The following COX17 variants were observed in gnomAD, a reference collection of about 807,000 sequenced individuals.
COX17 encodes the protein cytochrome c oxidase copper chaperone COX17.
In COX17, 1 loss-of-function variant was observed where a neutral mutation model predicts 6.3. That is an observed-to-expected ratio of 0.16 (90% confidence interval 0.06 to 0.75). The LOEUF (loss-of-function observed/expected upper bound fraction) is 0.75, where lower values mean the gene tolerates loss of function less well. COX17 is among the 30% of genes least tolerant of loss of function. The pLI, the probability that COX17 is intolerant of heterozygous loss-of-function variation, is 0.77. For missense variants in COX17, 73 were observed against 81.2 expected (o/e 0.90, Z 0.39); for synonymous variants, 26 against 30.5 (o/e 0.85, Z 0.49).
At chr3:119,664,914 T>C (rs2052979223), downstream of COX17, among the ~76,000 whole-genome samples, 1 of 152,212 alleles carries the variant, frequency 6.6e-6, no homozygotes, top group Non-Finnish European at 1.5e-5. Flanking sequence ...ACTTTCCTAG[T>C]ATAGATACTA....
In COX17 at chr3:119,677,186, C is replaced by G. The variant is rs1188604467; in HGVS notation, c.107+18G>C. The G allele has an allele frequency of 6.3e-7, 1 of 1,599,928 alleles. No homozygotes were observed. The highest frequency in any genetic ancestry group is 8.5e-7 in the Non-Finnish European group (1 of 1,173,742). On this transcript the variant is annotated intron_variant, in intron 1 of 2. Coordinates refer to ENST00000261070, the MANE Select transcript of COX17 (RefSeq NM_005694.2). The stretch of plus-strand genomic sequence containing the variant: ...GCCCGGGGCTCGTCGGCCGCGCCCT[C>G]TCCGGCTGCGCACTGACCACGCATC...
chr3:119,674,006 TCTGCCCGG>T (rs554968191), intron 2 of COX17, among the ~76,000 whole-genome samples: 68 of 151,656 alleles, frequency 4.5e-4, no homozygotes, highest in African/African-American at 1.5e-3. Context: ...GAGGTGCCCC[TCTGCCCGG>T]CTGCTGCCCC....
chr3:119,673,656 C>T (rs2053067063), intron 2 of COX17, among the ~76,000 whole-genome samples: 1 of 152,126 alleles, frequency 6.6e-6, no homozygotes, highest in Non-Finnish European at 1.5e-5. Context: ...GGGAAAGCCT[C>T]TCTAATAAGG....
chr3:119,674,927 C>A (rs1158590100), intron 2 of COX17: 8 of 501,754 alleles, frequency 1.6e-5, no homozygotes, highest in Non-Finnish European at 2.5e-5. Context: ...TTGTCAAACC[C>A]TTTCTTAAAA....
chr3:119,672,797 A>C (rs1577179659), intron 2 of COX17, among the ~76,000 whole-genome samples: 1 of 152,272 alleles, frequency 6.6e-6, no homozygotes, highest in Non-Finnish European at 1.5e-5. Flanking sequence ...AGTGAAATTC[A>C]GAGGAGTAAT....
Position 119,677,216 on chromosome 3 carries a change from G to T in COX17, c.95C>A (p.Ala32Glu), listed in dbSNP as rs1376335715. The T allele has an allele frequency of 6.2e-7, 1 of 1,610,950 alleles. No homozygotes were observed. The highest frequency in any genetic ancestry group is 8.5e-7 in the Non-Finnish European group (1 of 1,179,578). Reference protein sequence around the residue: ...PCCACPETKKARDACIIEKGE... With the variant: ...PCCACPETKKERDACIIEKGE... ...GCTGCGCACTGACCACGCATCGCGC[G>T]CCTTCTTGGTCTCCGGGCAAGCGCA... The change falls in exon 1 of 3, where the codon GCG becomes GAG. Residue 32 changes from alanine (A) to glutamate (E), a missense_variant. Physicochemically the swap from Ala to Glu is moderately radical, Grantham distance 107. Coordinates refer to ENST00000261070, the MANE Select transcript of COX17 (RefSeq NM_005694.2).
intron 2 of COX17, 50 bp downstream of exon 2, chr3:119,675,095 T>C (rs946084616): frequency 7.9e-6 from 10 of 1,265,172 alleles, no homozygotes; most frequent in South Asian, 3.6e-5. Flanking sequence ...TGTAGCCCAA[T>C]TGTTGCTAAA....
chr3:119,664,943 A>T (rs1235759174), downstream of COX17, among the ~76,000 whole-genome samples: 2 of 152,204 alleles, frequency 1.3e-5, no homozygotes, highest in African/African-American at 4.8e-5. Flanking sequence ...CAGAGGCATA[A>T]TTTTATGCTC....
intron 2 of COX17, among the ~76,000 whole-genome samples, chr3:119,669,878 A>G (rs889460000): frequency 6.6e-6 from 1 of 151,934 alleles, no homozygotes; most frequent in African/African-American, 2.4e-5. Flanking sequence ...TCATGATATT[A>G]TTTACTCTTT....
downstream of COX17, among the ~76,000 whole-genome samples, chr3:119,665,050 C>G (rs918365222): frequency 6.6e-6 from 1 of 152,170 alleles, no homozygotes; most frequent in African/African-American, 2.4e-5. Context: ...TCTAATTTTG[C>G]TTGGGTAATA....
chr3:119,676,579 T>C (rs939253157), intron 1 of COX17, among the ~76,000 whole-genome samples: 1 of 152,206 alleles, frequency 6.6e-6, no homozygotes, highest in Admixed American at 6.5e-5. Flanking sequence ...GATTTTCAAC[T>C]TTTGGTTGTC....
rs1184925165 is a variant in COX17 at position 119,677,248 on chromosome 3, C to A, written c.63G>T (p.Lys21Asn). ...PPESQEKKPL[K>N]PCCACPETKK... ...TGGTCTCCGGGCAAGCGCAGCAGGG[C>A]TTCAGCGGCTTCTTCTCCTGAGACT... Residue 21 changes from lysine to asparagine, a missense_variant, in exon 1 of 3, where the codon AAG (lysine) becomes AAT (asparagine). Lys to Asn is a moderately conservative substitution (Grantham distance 94, BLOSUM62 0). Coordinates refer to ENST00000261070, the MANE Select transcript of COX17 (RefSeq NM_005694.2). 1 of 1,612,048 alleles carries A rather than the reference C, an allele frequency of 6.2e-7. No homozygotes were observed. The highest frequency in any genetic ancestry group is 8.5e-7 in the Non-Finnish European group (1 of 1,179,966).
downstream of COX17, among the ~76,000 whole-genome samples, chr3:119,665,878 T>A (rs572142335): frequency 6.6e-6 from 1 of 152,236 alleles, no homozygotes; most frequent in Admixed American, 6.5e-5. Context: ...GAACATCTGC[T>A]AATTGTCACA....
At chr3:119,666,136 A>T (rs1218830689), downstream of COX17, among the ~76,000 whole-genome samples, 4 of 152,112 alleles carry the variant, frequency 2.6e-5, no homozygotes, top group African/African-American at 9.7e-5. Flanking sequence ...CAGGGGTGGG[A>T]TGAAGGGGGC....
At chr3:119,671,179 G>A (rs916322651) in intron 2 of COX17, among the ~76,000 whole-genome samples, 11 of 152,166 alleles carry the variant, frequency 7.2e-5, no homozygotes, top group Non-Finnish European at 1.5e-4. Flanking sequence ...AAAGAGGAGT[G>A]CACTTGAAAA....
At chr3:119,664,836 T>C (rs1006823299), downstream of COX17, among the ~76,000 whole-genome samples, 20 of 152,220 alleles carry the variant, frequency 1.3e-4, no homozygotes, top group African/African-American at 4.8e-4. Flanking sequence ...GGGTCTGTGA[T>C]GAATTGAGGG....
chr3:119,665,129 A>G (rs747644274), downstream of COX17: 2 of 152,192 alleles, frequency 1.3e-5, no homozygotes, highest in East Asian at 1.9e-4. Flanking sequence ...GCCAAGCACA[A>G]TATCTCATTC....
downstream of COX17, among the ~76,000 whole-genome samples, chr3:119,667,439 A>G (rs1482010310): frequency 6.6e-6 from 1 of 152,168 alleles, no homozygotes. Context: ...CCAAACTGGC[A>G]AAAGTTTAAA....
intron 2 of COX17, among the ~76,000 whole-genome samples, chr3:119,673,929 T>G (rs1374551071): frequency 1.3e-5 from 2 of 151,718 alleles, no homozygotes; most frequent in African/African-American, 4.8e-5. Context: ...GAGGAGTACC[T>G]CTGTCCGGCC....
Sources: allele counts gnomAD v4.1 joint callset (sites outside exome capture counted in the v4.1 genomes callset), GRCh38; gene constraint gnomAD v4.1.1; transcripts MANE v1.5; gene names NCBI Gene and HGNC (gene_info 2026-07-23, HGNC 2026-07-21).